The following SLC44A1 variants were observed in gnomAD, a reference collection of about 807,000 sequenced individuals.
SLC44A1 encodes the protein solute carrier family 44 member 1.
In SLC44A1, 26 loss-of-function variants were observed where a neutral mutation model predicts 79.3. The ratio of observed to expected loss-of-function variants is 0.33; its 90% CI spans 0.24 to 0.46. The LOEUF is 0.46. SLC44A1 is among the 20% of genes least tolerant of loss of function. The pLI, the probability that SLC44A1 is intolerant of heterozygous loss-of-function variation, is 1.00. For missense variants in SLC44A1, 688 were observed against 798.1 expected (o/e 0.86, Z 1.66); for synonymous variants, 263 against 286.2 (o/e 0.92, Z 0.82).
At chr9:105,420,558 C>T (rs1207518416) in intron 15 of SLC44A1, among the ~76,000 whole-genome samples, 1 of 151,098 alleles carries the variant, frequency 6.6e-6, no homozygotes, top group Non-Finnish European at 1.5e-5. Context: ...CAGTGCCAAG[C>T]TTATCCAAAA....
Position 105,393,854 on chromosome 9 carries a change from G to A in SLC44A1, c.*4798G>A, listed in dbSNP as rs763617982. 6.1e-6 allele frequency: 6 copies of A among 984,486 alleles called. No individual in the cohort carries two copies. Among genetic ancestry groups the A allele is most frequent in the Non-Finnish European group, 7.2e-6 (6 of 829,222 alleles). 61.0% of individuals were successfully genotyped at this position (984,486 alleles called of 1,614,324 possible). On this transcript the variant is annotated 3_prime_UTR_variant, in exon 16 of 16. Coordinates refer to ENST00000374720, the MANE Select transcript of SLC44A1 (RefSeq NM_080546.5). ...ACTTAAATGATTTTCTCCAGGACAC[G>A]GAGCTCAGAATAATAAAGCTTTTAT... is the stretch of plus-strand genomic sequence containing the variant.
chr9:105,292,758 G>A (rs542494466), intron 1 of SLC44A1, among the ~76,000 whole-genome samples: 3 of 152,068 alleles, frequency 2.0e-5, no homozygotes, highest in South Asian at 2.1e-4. Flanking sequence ...TCATGCTATC[G>A]TAGTACTTGG....
At chr9:105,267,466 A>T (rs1460890869) in intron 1 of SLC44A1, among the ~76,000 whole-genome samples, 1 of 151,706 alleles carries the variant, frequency 6.6e-6, no homozygotes, top group Admixed American at 6.6e-5. Context: ...CCGTTTCTGA[A>T]TTTTCTTACC....
At chr9:105,351,566 G>GAGAAAGAGAGAA in intron 5 of SLC44A1, among the ~76,000 whole-genome samples, 1 of 114,052 alleles carries the variant, frequency 8.8e-6, no homozygotes, top group Admixed American at 8.8e-5. Flanking sequence ...GAGAGAAAGA[G>GAGAAAGAGAGAA]AGAAAGAGAG....
chr9:105,369,523 A>G (rs1011011641), intron 12 of SLC44A1, among the ~76,000 whole-genome samples: 7 of 152,318 alleles, frequency 4.6e-5, no homozygotes, highest in African/African-American at 1.7e-4. Flanking sequence ...ATGTTTCAAC[A>G]TACCAACTTT....
Position 105,307,393 on chromosome 9 carries a change from C to G in SLC44A1, c.127-2331C>G, listed in dbSNP as rs10820796. Among the ~76,000 whole-genome samples the G allele has an allele frequency of 2.0e-5, 3 of 151,992 alleles. No individual in the cohort carries two copies. In the East Asian group the frequency reaches 5.8e-4, roughly 29 times the overall value. On this transcript the variant is annotated intron_variant, in intron 2 of 15. Transcript: ENST00000374720. Reference sequence around the variant, plus strand: ...ACGCGGTGGCTCACGCATGTAATCCCAGCACTTTGGGAGGCCGAGGCAGAT... The same window carrying G: ...ACGCGGTGGCTCACGCATGTAATCCGAGCACTTTGGGAGGCCGAGGCAGAT...
chr9:105,401,774 C>A (rs912999032), downstream of SLC44A1, among the ~76,000 whole-genome samples: 24 of 152,188 alleles, frequency 1.6e-4, no homozygotes, highest in African/African-American at 5.8e-4. Context: ...TATCCACTTT[C>A]ATTCAACAAG....
At chr9:105,372,949 C>CA (rs1276208690) in intron 12 of SLC44A1, among the ~76,000 whole-genome samples, 1,366 of 84,442 alleles carry the variant, frequency 0.016, 12 homozygotes, top group Admixed American at 0.029. Flanking sequence ...GACTCCGTCT[C>CA]AAAAAAAAAA....
At chr9:105,318,927 C>A (rs1826293724) in intron 3 of SLC44A1, among the ~76,000 whole-genome samples, 1 of 152,246 alleles carries the variant, frequency 6.6e-6, no homozygotes, top group South Asian at 2.1e-4. Flanking sequence ...TACAAATGCT[C>A]AATCTGAAGT....
chr9:105,262,044 A>G (rs1013349856), intron 1 of SLC44A1, among the ~76,000 whole-genome samples: 1 of 152,116 alleles, frequency 6.6e-6, no homozygotes, highest in Non-Finnish European at 1.5e-5. Context: ...TTGGCTTCCC[A>G]AAGTGCTGGG....
intron 5 of SLC44A1, among the ~76,000 whole-genome samples, chr9:105,351,598 GAAAGAAAGAA>G (rs1588818319): frequency 1.7e-4 from 15 of 90,800 alleles, no homozygotes; most frequent in African/African-American, 5.7e-4. Flanking sequence ...GAGAGAAAGA[GAAAGAAAGAA>G]AGAAAGAAAG....
chr9:105,419,939 A>G (rs1432378640), intron 15 of SLC44A1, among the ~76,000 whole-genome samples: 1 of 149,564 alleles, frequency 6.7e-6, no homozygotes, highest in Non-Finnish European at 1.5e-5. Flanking sequence ...AAAAAAAAAG[A>G]AGGCAATATG....
intron 5 of SLC44A1, among the ~76,000 whole-genome samples, chr9:105,352,324 A>G (rs1425770609): frequency 6.6e-6 from 1 of 152,070 alleles, no homozygotes; most frequent in Non-Finnish European, 1.5e-5. Context: ...TGAGATGCAG[A>G]CCCCTGCCTT....
intron 15 of SLC44A1, among the ~76,000 whole-genome samples, chr9:105,428,349 T>C (rs1212934964): frequency 6.6e-6 from 1 of 152,246 alleles, no homozygotes; most frequent in Admixed American, 6.5e-5. Flanking sequence ...TGATATAATA[T>C]GGAGTCAGGC....
rs974432882 is a variant in SLC44A1 at position 105,394,778 on chromosome 9, G to A, written c.*5722G>A. ...GTAGAAAGTTGGAGGAGCAGATGCT[G>A]AAGGTAGAAATGCAAAAGATGTTTT... is the stretch of plus-strand genomic sequence containing the variant. On this transcript the variant is annotated 3_prime_UTR_variant, in exon 16 of 16. Transcript: ENST00000374720. The A allele has an allele frequency of 4.1e-6, 4 of 985,326 alleles. No individual in the cohort carries two copies. The highest frequency in any genetic ancestry group is 4.8e-6 in the Non-Finnish European group (4 of 829,938). The allele number at this position is 985,326 out of a possible 1,614,324, so 61.0% of individuals were successfully genotyped here.
At position 105,435,565 on chromosome 9, in the gene SLC44A1, A is replaced by G. The variant is rs142485832; in HGVS notation, c.1951-2716A>G. ...TAGGGCAGGGCAGGAACATATCACA[A>G]TGGTGGAATGCTGCAAAGTTGGTTA... On this transcript the variant is annotated intron_variant, in intron 15 of 15. Coordinates refer to the SLC44A1 transcript ENST00000374724. 3.4e-4 allele frequency among the ~76,000 whole-genome samples: 52 copies of G among 152,296 alleles called. No homozygotes were observed. The South Asian group carries it at 3.7e-3, about 11-fold the overall frequency.
chr9:105,311,719 T>G (rs1831185428), intron 3 of SLC44A1, among the ~76,000 whole-genome samples: 1 of 152,216 alleles, frequency 6.6e-6, no homozygotes, highest in African/African-American at 2.4e-5. Flanking sequence ...TAAAATTTAT[T>G]TTTGATTTCT....
chr9:105,376,318 C>T (rs986597044), intron 13 of SLC44A1, among the ~76,000 whole-genome samples: 1 of 104,012 alleles, frequency 9.6e-6, no homozygotes, highest in East Asian at 2.5e-4. Context: ...TATGTATACA[C>T]ACACACACAC....
Position 105,395,626 on chromosome 9 carries a change from G to T in SLC44A1, c.*6570G>T. The T allele has an allele frequency of 1.0e-6, 1 of 985,272 alleles. No individual in the cohort carries two copies. Among genetic ancestry groups the T allele is most frequent in the Non-Finnish European group, 1.2e-6 (1 of 829,810 alleles). The allele number at this position is 985,272 out of a possible 1,614,324, so 61.0% of individuals were successfully genotyped here. ...AAGTCCAGTCTAAGTATCTAAATGT[G>T]ATATGCCCTTTTGTCACAGAAGTGT... On this transcript the variant is annotated 3_prime_UTR_variant, in exon 16 of 16. Transcript: ENST00000374720.
Sources: allele counts gnomAD v4.1 joint callset (sites outside exome capture counted in the v4.1 genomes callset), GRCh38; gene constraint gnomAD v4.1.1; transcripts MANE v1.5; gene names NCBI Gene and HGNC (gene_info 2026-07-23, HGNC 2026-07-21).